The following PRDM5 variants were observed in gnomAD, a reference collection of about 807,000 sequenced individuals.
The protein encoded by PRDM5 is PR domain zinc finger protein 5.
A neutral mutation model predicts 81.2 loss-of-function variants in PRDM5; 56 were observed. The observed-to-expected ratio is 0.69, with a 90% confidence interval of 0.56 to 0.86. PRDM5 has a LOEUF of 0.86. Ranked by LOEUF, PRDM5 falls within the 40% of genes least tolerant of loss-of-function variation. PRDM5 has a pLI of 0.00. For missense variants in PRDM5, 697 were observed against 770.1 expected (o/e 0.91, Z 1.12); for synonymous variants, 267 against 256.4 (o/e 1.04, Z -0.39).
At chr4:120,800,185 A>T (rs1237693340) in intron 8 of PRDM5, among the ~76,000 whole-genome samples, 1 of 152,174 alleles carries the variant, frequency 6.6e-6, no homozygotes, top group Admixed American at 6.5e-5. Flanking sequence ...AAAGATCAGA[A>T]GTTACAGGAT....
intron 10 of PRDM5, among the ~76,000 whole-genome samples, chr4:120,785,368 C>T (rs1749633215): frequency 6.6e-6 from 1 of 152,152 alleles, no homozygotes. Context: ...TGAATACACA[C>T]TGAGATTTCT....
At chr4:120,795,085 A>G (rs987322572) in intron 10 of PRDM5, among the ~76,000 whole-genome samples, 1 of 152,220 alleles carries the variant, frequency 6.6e-6, no homozygotes, top group Non-Finnish European at 1.5e-5. Flanking sequence ...ATAAGCCTCT[A>G]AAGTTTCATC....
chr4:120,722,011 C>T (rs567710288), intron 14 of PRDM5, among the ~76,000 whole-genome samples: 14 of 152,310 alleles, frequency 9.2e-5, no homozygotes, highest in South Asian at 2.1e-4. Context: ...AGGACACGTT[C>T]GGCTTGCTTG....
chr4:120,859,407 T>A (rs1030109568), intron 2 of PRDM5, among the ~76,000 whole-genome samples: 2 of 152,078 alleles, frequency 1.3e-5, no homozygotes, highest in African/African-American at 4.8e-5. Flanking sequence ...TTATTTTTTA[T>A]AAAGACAGGG....
intron 2 of PRDM5, among the ~76,000 whole-genome samples, chr4:120,895,014 T>C (rs1368347520): frequency 1.3e-5 from 2 of 152,214 alleles, no homozygotes; most frequent in African/African-American, 2.4e-5. Flanking sequence ...AATTCCATTT[T>C]GTAAGATTTT....
At chr4:120,907,003 TAAA>T (rs3086696) in intron 2 of PRDM5, among the ~76,000 whole-genome samples, 8 of 111,766 alleles carry the variant, frequency 7.2e-5, no homozygotes, top group Non-Finnish European at 9.5e-5. Context: ...CCACTTTCTC[TAAA>T]AAAAAAAAAA....
At chr4:120,775,448 G>A (rs1748014455) in intron 13 of PRDM5, among the ~76,000 whole-genome samples, 1 of 152,058 alleles carries the variant, frequency 6.6e-6, no homozygotes, top group Admixed American at 6.6e-5. Context: ...ATATCCTCAA[G>A]GATGGAATTA....
Position 120,710,206 on chromosome 4 carries a change from A to AAC in PRDM5, c.1728+101_1728+102dup, listed in dbSNP as rs1231853867. 3.6e-5 allele frequency: 34 copies of AAC among 951,108 alleles called. No homozygotes were observed. The East Asian group carries it at 4.9e-4, about 14-fold the overall frequency. 58.9% of individuals were successfully genotyped at this position (951,108 alleles called of 1,614,324 possible). A position where few individuals can be genotyped will look rare whatever the true frequency, so the allele number is the denominator to read the frequency against. ...AGGCATAGGCACATTCCAGCAATGC[A>AAC]ACACACACACACAGACACACACACA... On this transcript the variant is annotated intron_variant, in intron 15 of 15. Coordinates refer to ENST00000264808, the MANE Select transcript of PRDM5 (RefSeq NM_018699.4).
chr4:120,722,542 C>G (rs534983136), intron 14 of PRDM5, among the ~76,000 whole-genome samples: 5 of 152,050 alleles, frequency 3.3e-5, no homozygotes, highest in African/African-American at 1.2e-4. Context: ...ACATTGTTAT[C>G]ACCCGAAGAG....
At chr4:120,774,920 GTA>G (rs376413322) in intron 13 of PRDM5, among the ~76,000 whole-genome samples, 2 of 95,282 alleles carry the variant, frequency 2.1e-5, no homozygotes, top group African/African-American at 3.0e-5. Context: ...ATATGTATAT[GTA>G]TATATATGTA....
intron 3 of PRDM5, among the ~76,000 whole-genome samples, chr4:120,829,506 G>C (rs1035841894): frequency 6.6e-6 from 1 of 152,052 alleles, no homozygotes; most frequent in South Asian, 2.1e-4. Flanking sequence ...GTTCAGTTCT[G>C]CTATTTCAAA....
At chr4:120,841,378 A>G (rs1233653353) in intron 3 of PRDM5, among the ~76,000 whole-genome samples, 2 of 152,184 alleles carry the variant, frequency 1.3e-5, no homozygotes, top group Admixed American at 1.3e-4. Context: ...ATGACAGTCT[A>G]TTCAGGCACT....
At chr4:120,784,668 T>C (rs991961689) in intron 11 of PRDM5, among the ~76,000 whole-genome samples, 2 of 152,154 alleles carry the variant, frequency 1.3e-5, no homozygotes, top group African/African-American at 2.4e-5. Flanking sequence ...TTAATCATTA[T>C]ATTTGAAAGG....
intron 14 of PRDM5, among the ~76,000 whole-genome samples, chr4:120,752,276 T>G (rs1159749032): frequency 1.1e-5 from 1 of 90,870 alleles, no homozygotes; most frequent in Non-Finnish European, 2.2e-5. Flanking sequence ...AAAATAAAAC[T>G]GTCTGGGTAA....
At chr4:120,880,822 T>G (rs1004916652) in intron 2 of PRDM5, among the ~76,000 whole-genome samples, 6 of 152,162 alleles carry the variant, frequency 3.9e-5, no homozygotes, top group African/African-American at 7.2e-5. Flanking sequence ...TTAGAATTGA[T>G]TTGACTTTGA....
chr4:120,762,215 C>T (rs903331168), intron 13 of PRDM5, among the ~76,000 whole-genome samples: 9 of 152,050 alleles, frequency 5.9e-5, no homozygotes, highest in African/African-American at 2.2e-4. Flanking sequence ...GGAATAAAGT[C>T]AAACTCATTT....
intron 3 of PRDM5, among the ~76,000 whole-genome samples, chr4:120,848,862 T>C (rs757547520): frequency 6.2e-4 from 95 of 152,286 alleles, no homozygotes; most frequent in Admixed American, 5.2e-3. Flanking sequence ...AAAATACAAA[T>C]GCAGACCTTA....
rs1297509169 is a variant in PRDM5 at position 120,695,077 on chromosome 4, C to G, written c.*34G>C. 1.3e-6 allele frequency: 2 copies of G among 1,595,608 alleles called. No homozygotes were observed. Among genetic ancestry groups the G allele is most frequent in the African/African-American group, 2.7e-5 (2 of 74,466 alleles). On this transcript the variant is annotated 3_prime_UTR_variant, in exon 16 of 16. Coordinates refer to ENST00000264808, the MANE Select transcript of PRDM5 (RefSeq NM_018699.4). ...AAAATCTGGGATTCATATTAGGAGC[C>G]CTTCTGAATAGTTTAATTCCTTTAC...
intron 14 of PRDM5, among the ~76,000 whole-genome samples, chr4:120,716,712 G>A (rs1737806209): frequency 6.6e-6 from 1 of 152,088 alleles, no homozygotes; most frequent in South Asian, 2.1e-4. Flanking sequence ...CCATGGAAAA[G>A]GATTCCAATT....
Sources: allele counts gnomAD v4.1 joint callset (sites outside exome capture counted in the v4.1 genomes callset), GRCh38; gene constraint gnomAD v4.1.1; transcripts MANE v1.5; gene names NCBI Gene and HGNC (gene_info 2026-07-23, HGNC 2026-07-21).